Variants in RTN4 observed in about 807,000 individuals in gnomAD.
The protein encoded by RTN4 is reticulon-4.
RTN4 carries 32 observed loss-of-function variants against 90.4 expected under a neutral mutation model. The ratio of observed to expected loss-of-function variants is 0.35; its 90% CI spans 0.27 to 0.48. RTN4 has a LOEUF of 0.48. RTN4 is among the 20% of genes least tolerant of loss of function. RTN4 has a pLI of 0.99. For missense variants in RTN4, 1,706 were observed against 1,430.2 expected, an observed-to-expected ratio of 1.19 and a Z score of -3.11; for synonymous variants, 629 against 552.5, an observed-to-expected ratio of 1.14 and a Z score of -1.94.
At chr2:54,985,790 C>T (rs1048252419) in intron 4 of RTN4, among the ~76,000 whole-genome samples, 1 of 152,174 alleles carries the variant, frequency 6.6e-6, no homozygotes. Flanking sequence ...TCAACTGGAT[C>T]ATGTTGTAGG....
At chr2:55,051,827 A>T (rs1668096065), upstream of RTN4, among the ~76,000 whole-genome samples, 1 of 152,232 alleles carries the variant, frequency 6.6e-6, no homozygotes, top group Non-Finnish European at 1.5e-5. Context: ...TTTTGGATAT[A>T]TTGGGATAAG....
intron 1 of RTN4, among the ~76,000 whole-genome samples, chr2:55,039,155 C>T (rs769799299): frequency 3.3e-5 from 5 of 152,130 alleles, no homozygotes; most frequent in Non-Finnish European, 7.4e-5. Context: ...AGAGATCTTT[C>T]TAGGATGATA....
At chr2:55,086,512 A>G (rs1360578499) in intron 1 of RTN4, among the ~76,000 whole-genome samples, 3 of 141,424 alleles carry the variant, frequency 2.1e-5, no homozygotes, top group Admixed American at 7.2e-5. Flanking sequence ...AAAAAAAAAC[A>G]TTTAAAAATT....
intron 1 of RTN4, among the ~76,000 whole-genome samples, chr2:55,090,335 T>G (rs762718374): frequency 6.6e-6 from 1 of 152,204 alleles, no homozygotes; most frequent in South Asian, 2.1e-4. Flanking sequence ...AGTATTACCT[T>G]CACACTATTT....
At chr2:55,116,981 C>T (rs1668137321), upstream of RTN4, among the ~76,000 whole-genome samples, 1 of 145,578 alleles carries the variant, frequency 6.9e-6, no homozygotes, top group Non-Finnish European at 1.5e-5. Flanking sequence ...TCAAGCAATT[C>T]TCCTGCTGCA....
At chr2:55,039,672 C>G (rs543898945) in intron 1 of RTN4, among the ~76,000 whole-genome samples, 2 of 151,992 alleles carry the variant, frequency 1.3e-5, no homozygotes, top group Non-Finnish European at 2.9e-5. Flanking sequence ...CACAGCTACT[C>G]GGAGACTGAG....
chr2:55,108,612 T>C (rs1667984694), intron 1 of RTN4, among the ~76,000 whole-genome samples: 1 of 152,012 alleles, frequency 6.6e-6, no homozygotes, highest in Non-Finnish European at 1.5e-5. Context: ...TAAAAGCAGA[T>C]TACACTGGAT....
intron 1 of RTN4, among the ~76,000 whole-genome samples, chr2:55,096,381 C>T (rs1159549331): frequency 6.6e-6 from 1 of 152,026 alleles, no homozygotes; most frequent in Non-Finnish European, 1.5e-5. Flanking sequence ...CTGATGCTGA[C>T]CTTGATCTCT....
At chr2:55,098,681 T>C (rs1667796560) in intron 1 of RTN4, among the ~76,000 whole-genome samples, 1 of 152,138 alleles carries the variant, frequency 6.6e-6, no homozygotes, top group African/African-American at 2.4e-5. Flanking sequence ...TTTTAAAAAA[T>C]TAAGATCCAA....
At chr2:54,991,875 CTATCAT>C (rs770375444) in intron 3 of RTN4, among the ~76,000 whole-genome samples, 24 of 152,140 alleles carry the variant, frequency 1.6e-4, no homozygotes, top group Non-Finnish European at 2.6e-4. Context: ...ATTATAAACT[CTATCAT>C]TATGGCAACT....
chr2:55,113,305 T>C (rs1485186479), upstream of RTN4, among the ~76,000 whole-genome samples: 3 of 152,198 alleles, frequency 2.0e-5, no homozygotes, highest in African/African-American at 7.2e-5. Context: ...AGAGGATCCC[T>C]CAGGACTTCA....
At chr2:55,001,824 T>C (rs575025691) in intron 3 of RTN4, among the ~76,000 whole-genome samples, 104 of 152,306 alleles carry the variant, frequency 6.8e-4, no homozygotes, top group South Asian at 1.2e-3. Flanking sequence ...TGACCCACTG[T>C]GAAATTCAAC....
At position 54,982,669 on chromosome 2, in the gene RTN4, C is replaced by T; in HGVS notation, c.3222-16G>A. 1 of 1,592,824 alleles carries T rather than the reference C, an allele frequency of 6.3e-7. No individual in the cohort carries two copies. Among genetic ancestry groups the T allele is most frequent in the South Asian group, 1.2e-5 (1 of 86,474 alleles). ...CAGATATGCCCTAGAAAACAAAACACATCATAATTGTCACTAATTGGAGTG... is the reference window on the plus strand; with the variant it reads ...CAGATATGCCCTAGAAAACAAAACATATCATAATTGTCACTAATTGGAGTG... On this transcript the variant is annotated splice_polypyrimidine_tract_variant and intron_variant, in intron 4 of 8. Transcript: ENST00000337526.
At chr2:55,013,611 G>T (rs537577205) in intron 3 of RTN4, among the ~76,000 whole-genome samples, 5 of 117,452 alleles carry the variant, frequency 4.3e-5, no homozygotes, top group African/African-American at 6.9e-5. Context: ...TTTTTTTTGG[G>T]GGGGGGGGAG....
chr2:55,115,986 A>G (rs185886180), upstream of RTN4, among the ~76,000 whole-genome samples: 17 of 152,220 alleles, frequency 1.1e-4, no homozygotes, highest in African/African-American at 4.1e-4. Context: ...AGTGACAGCA[A>G]AGACCCTCTG....
At chr2:55,022,930 C>CACACACACACACACACACACACACACA (rs1036253097) in intron 3 of RTN4, among the ~76,000 whole-genome samples, 2 of 150,422 alleles carry the variant, frequency 1.3e-5, no homozygotes, top group East Asian at 2.0e-4. Flanking sequence ...CACACACACA[C>CACACACACACACACACACACACACACA]CCTGCTCTCC....
intron 3 of RTN4, among the ~76,000 whole-genome samples, chr2:55,017,527 T>C (rs925553774): frequency 3.3e-5 from 5 of 152,168 alleles, no homozygotes; most frequent in Non-Finnish European, 5.9e-5. Context: ...TACCAATAGT[T>C]CCAATTAGTT....
chr2:55,006,373 G>A (rs1357052142), intron 3 of RTN4, among the ~76,000 whole-genome samples: 1 of 152,070 alleles, frequency 6.6e-6, no homozygotes, highest in Non-Finnish European at 1.5e-5. Flanking sequence ...TTCCCTTGTT[G>A]GGCATTTTTT....
Position 54,988,063 on chromosome 2 carries a change from T to C in RTN4, c.3014-365A>G, listed in dbSNP as rs573971369. On this transcript the variant is annotated intron_variant, in intron 3 of 8. Transcript: ENST00000337526. ...TGGGTGCGGTGGTTCATGCCTGTAATCCCAGCACTGTGGGAGGCTGAGGCA... is the reference window on the plus strand; with the variant it reads ...TGGGTGCGGTGGTTCATGCCTGTAACCCCAGCACTGTGGGAGGCTGAGGCA... 9.8e-5 allele frequency among the ~76,000 whole-genome samples: 15 copies of C among 152,318 alleles called. No individual in the cohort carries two copies. The South Asian group carries it at 3.1e-3, about 32-fold the overall frequency.
Sources: gnomAD v4.1 joint callset for allele counts (sites outside exome capture counted in the v4.1 genomes callset) on GRCh38, gnomAD v4.1.1 for gene constraint, MANE v1.5 for transcripts, NCBI Gene and HGNC (gene_info 2026-07-23, HGNC 2026-07-21) for gene names.